NHEJ1: variants seen among roughly 807,000 people sequenced by gnomAD.
NHEJ1 encodes the protein non-homologous end-joining factor 1.
NHEJ1 carries 22 observed loss-of-function variants against 39.4 expected under a neutral mutation model. The ratio of observed to expected loss-of-function variants is 0.56; its 90% CI spans 0.40 to 0.80. The LOEUF is 0.80. Ranked by LOEUF, NHEJ1 falls within the 30% of genes least tolerant of loss-of-function variation. NHEJ1 has a pLI of 0.00. For missense variants in NHEJ1, 329 were observed against 357.1 expected (o/e 0.92, Z 0.63); for synonymous variants, 154 against 135.6 (o/e 1.14, Z -0.94).
rs751272564 is a variant in NHEJ1 at position 219,157,693 on chromosome 2, A to G, written c.178-9T>C. 1.2e-6 allele frequency: 2 copies of G among 1,610,480 alleles called. No homozygotes were observed. Among genetic ancestry groups the G allele is most frequent in the South Asian group, 1.1e-5 (1 of 90,550 alleles). Reference sequence around the variant, plus strand: ...AGCCGCTTGTTCAGCTCCTAAAGAGAGAGCAGTGGTACAGAGTAAGGGTGC... The same window carrying G: ...AGCCGCTTGTTCAGCTCCTAAAGAGGGAGCAGTGGTACAGAGTAAGGGTGC... On this transcript the variant is annotated splice_polypyrimidine_tract_variant and intron_variant, in intron 2 of 7. Transcript: ENST00000356853.
intron 6 of NHEJ1, 159 bp downstream of exon 6, chr2:219,077,930 T>C: frequency 1.5e-6 from 1 of 651,316 alleles, no homozygotes; most frequent in Non-Finnish European, 2.7e-6. Flanking sequence ...ACTTGAAATG[T>C]GGCTACTGCA....
chr2:219,132,577 G>A (rs1289815441), intron 5 of NHEJ1, among the ~76,000 whole-genome samples: 1 of 152,096 alleles, frequency 6.6e-6, no homozygotes, highest in Non-Finnish European at 1.5e-5. Context: ...TCAAGCATAA[G>A]ATTAACAAAA....
chr2:219,086,366 C>T (rs752907733), intron 5 of NHEJ1, among the ~76,000 whole-genome samples: 2 of 152,190 alleles, frequency 1.3e-5, no homozygotes, highest in Non-Finnish European at 2.9e-5. Context: ...ACTTGAATCT[C>T]TACACTATAA....
At chr2:219,121,888 A>G (rs1312621358) in intron 5 of NHEJ1, among the ~76,000 whole-genome samples, 4 of 152,170 alleles carry the variant, frequency 2.6e-5, no homozygotes. Context: ...TGCTAAATAC[A>G]ATAGTAGGGT....
At chr2:219,128,751 T>C (rs966458280) in intron 5 of NHEJ1, among the ~76,000 whole-genome samples, 11 of 152,192 alleles carry the variant, frequency 7.2e-5, no homozygotes, top group Non-Finnish European at 1.3e-4. Flanking sequence ...TCCTGGCCAA[T>C]GACCGGCCAG....
rs79077082 is a variant in NHEJ1, at chr2:219,077,386, G to A, written c.707-22C>T. 9 of 1,547,340 alleles carry A rather than the reference G, an allele frequency of 5.8e-6. No homozygotes were observed. The Admixed American group carries it at 1.5e-4, about 26-fold the overall frequency. The stretch of plus-strand genomic sequence containing the variant: ...TCTCCTGAAATCAGAAAGATCAAGA[G>A]AAGATAGTGATAAATGCCTTCTTCT... On this transcript the variant is annotated intron_variant, in intron 6 of 7. Transcript: ENST00000356853.
chr2:219,156,969 G>A (rs1371443385), intron 3 of NHEJ1, among the ~76,000 whole-genome samples: 1 of 152,124 alleles, frequency 6.6e-6, no homozygotes, highest in Non-Finnish European at 1.5e-5. Context: ...TGAAGTTCCC[G>A]AACTTGCTCC....
At chr2:219,149,312 G>T (rs1312241356) in intron 3 of NHEJ1, among the ~76,000 whole-genome samples, 2 of 152,096 alleles carry the variant, frequency 1.3e-5, no homozygotes, top group African/African-American at 4.8e-5. Context: ...CCTACACAAG[G>T]TGTCCATTAA....
intron 5 of NHEJ1, chr2:219,124,466 A>T (rs1229535874): frequency 2.0e-5 from 3 of 151,688 alleles, no homozygotes; most frequent in African/African-American, 7.3e-5. Context: ...CTCCAACCAC[A>T]CTCTCTACTC....
At chr2:219,098,437 A>ACCT (rs1949227932) in intron 5 of NHEJ1, among the ~76,000 whole-genome samples, 1 of 152,254 alleles carries the variant, frequency 6.6e-6, no homozygotes, top group Non-Finnish European at 1.5e-5. Flanking sequence ...GATAGAATCT[A>ACCT]ATGCACAAAT....
Position 219,146,723 on chromosome 2 carries a change from T to C in NHEJ1, c.545A>G (p.Glu182Gly). 1 of 1,610,944 alleles carries C rather than the reference T, an allele frequency of 6.2e-7. No individual in the cohort carries two copies. Among genetic ancestry groups the C allele is most frequent in the Non-Finnish European group, 8.5e-7 (1 of 1,177,066 alleles). ...CAAGAAGGAATTTTCTTCAAATGGTTCTGTCTTCAATCGATCTGTAATAAG... is the reference window on the plus strand; with the variant it reads ...CAAGAAGGAATTTTCTTCAAATGGTCCTGTCTTCAATCGATCTGTAATAAG... ...ATLIRDRLKTEPFEENSFLEQ... is the reference protein window; with the variant it reads ...ATLIRDRLKTGPFEENSFLEQ... The change falls in exon 5 of 8, where the codon GAA becomes GGA. Residue 182 changes from glutamate (E) to glycine (G), a missense_variant. Physicochemically the swap from Glu to Gly is moderately conservative, Grantham distance 98. Coordinates refer to ENST00000356853, the MANE Select transcript of NHEJ1 (RefSeq NM_024782.3).
At chr2:219,160,318 T>C (rs1004171780) in intron 1 of NHEJ1, among the ~76,000 whole-genome samples, 24 of 151,910 alleles carry the variant, frequency 1.6e-4, no homozygotes, top group African/African-American at 4.4e-4. Flanking sequence ...GCGCGAACCC[T>C]AGGTCCCACC....
At position 219,073,859 on chromosome 2, in the gene NHEJ1, G is replaced by A. The variant is rs757453984; in HGVS notation, c.*2522C>T. On this transcript the variant is annotated 3_prime_UTR_variant, in exon 8 of 8. Coordinates refer to ENST00000356853, the MANE Select transcript of NHEJ1 (RefSeq NM_024782.3). ...GGAATAAAATTTATGGAGCAGCCAC[G>A]AGAATTCGACCCTTTTATGTGCATG... Among the ~76,000 whole-genome samples the A allele has an allele frequency of 6.6e-6, 1 of 152,362 alleles. No individual in the cohort carries two copies. The highest frequency in any genetic ancestry group is 1.5e-5 in the Non-Finnish European group (1 of 68,040).
At chr2:219,079,677 T>A (rs1011745082) in intron 5 of NHEJ1, among the ~76,000 whole-genome samples, 1 of 152,114 alleles carries the variant, frequency 6.6e-6, no homozygotes, top group African/African-American at 2.4e-5. Flanking sequence ...CCCTGAGGAA[T>A]GAACTGAAAC....
chr2:219,095,210 G>C, intron 5 of NHEJ1: 1 of 447,656 alleles, frequency 2.2e-6, no homozygotes, highest in East Asian at 7.1e-5. Flanking sequence ...CCTAACTACC[G>C]ACGTGGCTTT....
rs75393080 is a variant in NHEJ1, at chr2:219,138,780, T to C, written c.588+7900A>G. 5.8e-3 allele frequency among the ~76,000 whole-genome samples: 879 copies of C among 152,280 alleles called. 7 individuals carry two copies. Among genetic ancestry groups the C allele is most frequent in the African/African-American group, 0.02 (843 of 41,558 alleles). ...AGTGCTAAGGTGCAGGGGGGACAAATGGAGCTTACAACTTTAAATGAGTAG... is the reference window on the plus strand; with the variant it reads ...AGTGCTAAGGTGCAGGGGGGACAAACGGAGCTTACAACTTTAAATGAGTAG... On this transcript the variant is annotated intron_variant, in intron 5 of 7. Coordinates refer to ENST00000356853, the MANE Select transcript of NHEJ1 (RefSeq NM_024782.3).
At chr2:219,149,745 C>G (rs900975079) in intron 3 of NHEJ1, among the ~76,000 whole-genome samples, 1 of 152,214 alleles carries the variant, frequency 6.6e-6, no homozygotes. Flanking sequence ...TGCCCTAGAT[C>G]AGAGGTCAGC....
At chr2:219,122,522 A>G (rs779256780) in intron 5 of NHEJ1, among the ~76,000 whole-genome samples, 1 of 152,226 alleles carries the variant, frequency 6.6e-6, no homozygotes, top group Non-Finnish European at 1.5e-5. Context: ...GTGGTATTCA[A>G]TAAATGCTGG....
chr2:219,124,505 CCA>C (rs1348618029), intron 5 of NHEJ1: 1 of 152,898 alleles, frequency 6.5e-6, no homozygotes, highest in African/African-American at 2.4e-5. Flanking sequence ...GGAGTGCACC[CCA>C]CACCTACTCC....
Sources: gnomAD v4.1 joint callset for allele counts (sites outside exome capture counted in the v4.1 genomes callset) on GRCh38, gnomAD v4.1.1 for gene constraint, MANE v1.5 for transcripts, NCBI Gene and HGNC (gene_info 2026-07-23, HGNC 2026-07-21) for gene names.